CBL: variants seen among roughly 807,000 people sequenced by gnomAD.
CBL encodes Cbl proto-oncogene.
CBL carries 45 observed loss-of-function variants against 96.9 expected under a neutral mutation model. That is an observed-to-expected ratio of 0.46 (90% CI 0.37 to 0.60). CBL has a LOEUF of 0.60. CBL is among the 20% of genes least tolerant of loss of function. The probability of loss-of-function intolerance (pLI) is 0.00; values close to 1 mark genes in which losing one functional copy is unlikely to be tolerated. For synonymous variants in CBL, 420 were observed against 426.8 expected (o/e 0.98, Z 0.20); for missense variants, 1,024 against 1,143.5 (o/e 0.90, Z 1.51).
At chr11:119,255,363 A>G (rs1397369787) in intron 2 of CBL, among the ~76,000 whole-genome samples, 1 of 152,168 alleles carries the variant, frequency 6.6e-6, no homozygotes, top group Non-Finnish European at 1.5e-5. Context: ...AGGTGAGATC[A>G]TGATGGCTTG....
chr11:119,248,096 A>G (rs926132965), intron 2 of CBL, among the ~76,000 whole-genome samples: 5 of 152,354 alleles, frequency 3.3e-5, no homozygotes, highest in African/African-American at 1.2e-4. Context: ...AAATTCCAGT[A>G]GCACTTTTTT....
At chr11:119,229,693 T>C (rs1949486571) in intron 1 of CBL, among the ~76,000 whole-genome samples, 1 of 151,954 alleles carries the variant, frequency 6.6e-6, no homozygotes, top group African/African-American at 2.4e-5. Context: ...GTATTTAGTT[T>C]TACAATTTTC....
chr11:119,214,893 ATTTTTTTT>A (rs774184469), intron 1 of CBL, among the ~76,000 whole-genome samples: 1 of 117,964 alleles, frequency 8.5e-6, no homozygotes, highest in Non-Finnish European at 1.7e-5. Flanking sequence ...CTGGTAGGGA[ATTTTTTTT>A]TTTTTTTTTT....
intron 1 of CBL, among the ~76,000 whole-genome samples, chr11:119,225,727 T>TTC (rs1209235470): frequency 8.4e-5 from 12 of 143,096 alleles, no homozygotes; most frequent in South Asian, 2.3e-4. Flanking sequence ...ATATTTTCTT[T>TTC]TTTTTTTTTT....
intron 1 of CBL, among the ~76,000 whole-genome samples, chr11:119,221,998 C>T (rs545729581): frequency 6.6e-6 from 1 of 152,306 alleles, no homozygotes; most frequent in East Asian, 1.9e-4. Flanking sequence ...TAGTATCCTC[C>T]TCTCTTCTTG....
chr11:119,292,587 A>AT (rs1695052906), intron 12 of CBL, among the ~76,000 whole-genome samples: 2 of 151,710 alleles, frequency 1.3e-5, no homozygotes, highest in African/African-American at 4.8e-5. Context: ...AGCCCAGCTA[A>AT]TTTTTTGTAT....
chr11:119,227,530 T>C (rs1382518343), intron 1 of CBL, among the ~76,000 whole-genome samples: 1 of 152,090 alleles, frequency 6.6e-6, no homozygotes, highest in Non-Finnish European at 1.5e-5. Flanking sequence ...CTATTTTAAT[T>C]CTATAGTGAA....
At chr11:119,244,408 T>A (rs1393326908) in intron 2 of CBL, among the ~76,000 whole-genome samples, 1 of 136,034 alleles carries the variant, frequency 7.4e-6, no homozygotes, top group Non-Finnish European at 1.5e-5. Flanking sequence ...GGTTTGCTTT[T>A]TATTTTTAAT....
chr11:119,209,751 A>G (rs1949302221), intron 1 of CBL, among the ~76,000 whole-genome samples: 2 of 152,212 alleles, frequency 1.3e-5, no homozygotes, highest in South Asian at 4.1e-4. Flanking sequence ...CAGTTTATTG[A>G]ATTAGCACTG....
chr11:119,216,163 C>T (rs1206773613), intron 1 of CBL, among the ~76,000 whole-genome samples: 1 of 152,106 alleles, frequency 6.6e-6, no homozygotes, highest in Admixed American at 6.5e-5. Flanking sequence ...GCTAGTGAGT[C>T]GTGTGTAACA....
intron 2 of CBL, among the ~76,000 whole-genome samples, chr11:119,262,491 G>A (rs191678692): frequency 6.6e-6 from 1 of 152,288 alleles, no homozygotes; most frequent in Non-Finnish European, 1.5e-5. Context: ...AACTGGATTT[G>A]GGTTTTATGG....
At chr11:119,290,761 C>T (rs563235372) in intron 12 of CBL, among the ~76,000 whole-genome samples, 3 of 151,580 alleles carry the variant, frequency 2.0e-5, no homozygotes, top group African/African-American at 4.8e-5. Context: ...CTGCAACCTC[C>T]GCCTCCTGGG....
chr11:119,298,286 G>T, intron 14 of CBL, 72 bp from the exon 15 acceptor site: 1 of 1,344,116 alleles, frequency 7.4e-7, no homozygotes, highest in Non-Finnish European at 1.1e-6. Context: ...AAAATGAATG[G>T]CTGCCCCGTA....
chr11:119,296,938 T>G lies in CBL; in HGVS notation c.2057T>G (p.Leu686Arg). ...LAARPLPVPKLPPGEQCEGEE... is the reference protein window; with the variant it reads ...LAARPLPVPKRPPGEQCEGEE... The stretch of plus-strand genomic sequence containing the variant: ...TCCAGACCTCTTCCTGTGCCAAAAC[T>G]GCCACCTGGGGAGCAATGTGAGGGT... Residue 686 changes from leucine to arginine, a missense_variant, in exon 13 of 16, where the codon CTG becomes CGG. This residue lies in a region of CBL where 695 missense variants were observed against 661.6 expected (regional missense o/e 1.05). Coordinates refer to ENST00000264033, the MANE Select transcript of CBL (RefSeq NM_005188.4). The G allele has an allele frequency of 6.2e-7, 1 of 1,605,148 alleles. No individual in the cohort carries two copies. The highest frequency in any genetic ancestry group is 8.5e-7 in the Non-Finnish European group (1 of 1,171,762).
chr11:119,267,954 T>C (rs1054485224), intron 2 of CBL, among the ~76,000 whole-genome samples: 5 of 152,214 alleles, frequency 3.3e-5, no homozygotes, highest in Admixed American at 2.0e-4. Flanking sequence ...AGAAATGACA[T>C]TTAAACTGGG....
In CBL at chr11:119,261,161, GCCTTGGCCTC is replaced by G. The variant is rs1351808884; in HGVS notation, c.444-10571_444-10562del. ...ACTCCTGACCTCAGGTGAGCCGTCT[GCCTTGGCCTC>G]CCAAAGTGCTAGGATTACAGGCGTG... On this transcript the variant is annotated intron_variant, in intron 2 of 15. Transcript: ENST00000264033. Among the ~76,000 whole-genome samples the G allele has an allele frequency of 2.6e-5, 4 of 152,032 alleles. No homozygotes were observed. The South Asian group carries it at 8.3e-4, about 32-fold the overall frequency.
intron 2 of CBL, among the ~76,000 whole-genome samples, chr11:119,234,187 A>G (rs1949525476): frequency 6.6e-6 from 1 of 152,060 alleles, no homozygotes; most frequent in South Asian, 2.1e-4. Context: ...TTGTATTTTT[A>G]GTAGAGATGG....
intron 2 of CBL, among the ~76,000 whole-genome samples, chr11:119,235,488 C>G (rs945106732): frequency 1.3e-5 from 2 of 152,138 alleles, no homozygotes; most frequent in Non-Finnish European, 2.9e-5. Context: ...TCATAAAGGT[C>G]TTCATCCTCA....
intron 11 of CBL, among the ~76,000 whole-genome samples, chr11:119,286,979 G>A (rs1355401675): frequency 6.6e-6 from 1 of 152,220 alleles, no homozygotes; most frequent in Non-Finnish European, 1.5e-5. Flanking sequence ...TGAAGTTATA[G>A]AGTACAATTC....
Sources: gnomAD v4.1 joint callset for allele counts (sites outside exome capture counted in the v4.1 genomes callset) on GRCh38, gnomAD v4.1.1 for gene constraint, gnomAD v4.1.1 regional missense constraint, MANE v1.5 for transcripts, NCBI Gene and HGNC (gene_info 2026-07-23, HGNC 2026-07-21) for gene names.